The following GPHN variants were observed in gnomAD, a reference collection of about 807,000 sequenced individuals.
GPHN encodes the protein gephyrin.
A neutral mutation model predicts 95.5 loss-of-function variants in GPHN; 17 were observed. That is an observed-to-expected ratio of 0.18 (90% CI 0.12 to 0.27). The LOEUF is 0.27. Among genes scored for constraint, GPHN ranks in the 10% least tolerant of loss-of-function variants. The pLI is 1.00. For synonymous variants in GPHN, 320 were observed against 322.5 expected (o/e 0.99, Z 0.08); for missense variants, 660 against 978.1 (o/e 0.67, Z 4.34).
At chr14:66,771,499 A>G (rs529786388) in intron 2 of GPHN, among the ~76,000 whole-genome samples, 33 of 152,338 alleles carry the variant, frequency 2.2e-4, no homozygotes, top group Admixed American at 1.4e-3. Flanking sequence ...ATTGCCCAGT[A>G]GAATAGAATA....
chr14:67,047,362 G>GTGTTTTTTTTTT (rs1402859810), intron 10 of GPHN, among the ~76,000 whole-genome samples: 1 of 130,754 alleles, frequency 7.6e-6, no homozygotes, highest in African/African-American at 2.8e-5. Flanking sequence ...GTGTGTGTGT[G>GTGTTTTTTTTTT]TTTGTTTTTT....
the GPHN span, among the ~76,000 whole-genome samples, chr14:67,545,547 A>G: frequency 6.6e-6 from 1 of 152,242 alleles, no homozygotes; most frequent in Non-Finnish European, 1.5e-5. Context: ...CAAAAAAAGG[A>G]GTAAACAGAA....
chr14:67,656,366 G>C, the GPHN span: 2 of 1,469,362 alleles, frequency 1.4e-6, no homozygotes, highest in Non-Finnish European at 1.8e-6. Flanking sequence ...AGGTGCAGTG[G>C]CCCCCTAATT....
At chr14:67,319,026 C>A in the GPHN span, among the ~76,000 whole-genome samples, 1 of 151,780 alleles carries the variant, frequency 6.6e-6, no homozygotes, top group Non-Finnish European at 1.5e-5. Context: ...CCACTGCACT[C>A]CAGCCTGGGC....
intron 17 of GPHN, 100 bp downstream of exon 17, chr14:67,122,477 T>C: frequency 2.0e-6 from 2 of 1,010,990 alleles, no homozygotes; most frequent in East Asian, 5.1e-5. Context: ...AGAAATTTAA[T>C]GTCATAATTT....
chr14:66,790,170 T>C (rs1353949028), intron 3 of GPHN, among the ~76,000 whole-genome samples: 3 of 152,216 alleles, frequency 2.0e-5, no homozygotes, highest in Admixed American at 1.3e-4. Flanking sequence ...TAAAAATCTC[T>C]TATTACCCAG....
chr14:67,105,769 T>C (rs2077999977), intron 13 of GPHN, among the ~76,000 whole-genome samples: 1 of 152,180 alleles, frequency 6.6e-6, no homozygotes, highest in African/African-American at 2.4e-5. Flanking sequence ...GGTTCTTTTT[T>C]TTTAAATCCA....
At chr14:67,104,340 A>T (rs1426478416) in intron 13 of GPHN, among the ~76,000 whole-genome samples, 4 of 152,118 alleles carry the variant, frequency 2.6e-5, no homozygotes, top group Non-Finnish European at 5.9e-5. Flanking sequence ...GTATCCTTTT[A>T]TGGTTTGAGT....
chr14:66,643,420 A>T (rs1026364122), intron 1 of GPHN, among the ~76,000 whole-genome samples: 1 of 152,124 alleles, frequency 6.6e-6, no homozygotes. Flanking sequence ...TAAGTTTACC[A>T]AAGGACATGT....
the GPHN span, among the ~76,000 whole-genome samples, chr14:67,596,937 G>T: frequency 7.2e-5 from 11 of 152,184 alleles, no homozygotes; most frequent in Non-Finnish European, 1.6e-4. Context: ...ATAACATCTG[G>T]TTTTTGTACC....
chr14:67,435,631 G>C, the GPHN span, among the ~76,000 whole-genome samples: 3 of 152,166 alleles, frequency 2.0e-5, no homozygotes, highest in African/African-American at 7.2e-5. Flanking sequence ...GAGGTCACTG[G>C]AAGCAATAAC....
At chr14:67,388,968 T>A in the GPHN span, among the ~76,000 whole-genome samples, 2 of 151,888 alleles carry the variant, frequency 1.3e-5, no homozygotes, top group Non-Finnish European at 2.9e-5. Flanking sequence ...CATGAGCCAC[T>A]GCACCCAGCT....
the GPHN span, chr14:67,349,245 A>G: frequency 1.3e-6 from 1 of 772,588 alleles, no homozygotes; most frequent in Non-Finnish European, 2.0e-6. Context: ...CCTTTTTCCA[A>G]AAAGGGAGAA....
intron 1 of GPHN, among the ~76,000 whole-genome samples, chr14:66,560,958 T>C (rs1212767228): frequency 6.6e-6 from 1 of 152,204 alleles, no homozygotes; most frequent in Non-Finnish European, 1.5e-5. Flanking sequence ...TGAAAGGTTG[T>C]TGAATTTTGT....
intron 1 of GPHN, among the ~76,000 whole-genome samples, chr14:66,627,030 C>A (rs1266355933): frequency 6.6e-6 from 1 of 151,854 alleles, no homozygotes; most frequent in African/African-American, 2.4e-5. Flanking sequence ...GACTATAGAT[C>A]TTTTATATAA....
chr14:67,502,798 C>T, the GPHN span, among the ~76,000 whole-genome samples: 128 of 152,198 alleles, frequency 8.4e-4, no homozygotes, highest in African/African-American at 2.9e-3. Flanking sequence ...GCAGAGTGAC[C>T]ACAGGGCTTA....
chr14:67,732,777 C>T, the GPHN span, among the ~76,000 whole-genome samples: 22 of 152,194 alleles, frequency 1.4e-4, no homozygotes, highest in South Asian at 4.1e-4. Context: ...GGCAGGGTTT[C>T]GCCTTGTTGG....
chr14:66,538,113 T>G (rs545556432), intron 1 of GPHN, among the ~76,000 whole-genome samples: 34 of 152,234 alleles, frequency 2.2e-4, no homozygotes, highest in African/African-American at 7.2e-5. Context: ...ATTACAGGTG[T>G]GAGCCACCAT....
the GPHN span, among the ~76,000 whole-genome samples, chr14:67,661,586 G>A: frequency 7.0e-6 from 1 of 142,290 alleles, no homozygotes; most frequent in Non-Finnish European, 1.5e-5. Context: ...AGACTGGAGT[G>A]CAGTGGTGCA....
Sources: gnomAD v4.1 joint callset for allele counts (sites outside exome capture counted in the v4.1 genomes callset) on GRCh38, gnomAD v4.1.1 for gene constraint, MANE v1.5 for transcripts, NCBI Gene and HGNC (gene_info 2026-07-23, HGNC 2026-07-21) for gene names.